DNAI7: variants seen among roughly 807,000 people sequenced by gnomAD.
DNAI7 encodes the protein dynein axonemal intermediate chain 7, also known as cancer susceptibility 1.
A neutral mutation model predicts 86.6 loss-of-function variants in DNAI7; 78 were observed. The observed-to-expected ratio is 0.90, with a 90% CI of 0.75 to 1.09. The LOEUF (loss-of-function observed/expected upper bound fraction) is 1.09. DNAI7 is among the 50% of genes least tolerant of loss of function. The pLI, the probability that DNAI7 is intolerant of heterozygous loss-of-function variation, is 0.00. For missense variants in DNAI7, 753 were observed against 810.2 expected, an observed-to-expected ratio of 0.93 and a Z score of 0.86; for synonymous variants, 274 against 273.0, an observed-to-expected ratio of 1.00 and a Z score of -0.04.
chr12:25,176,955 T>G (rs1949030653), intron 2 of DNAI7, among the ~76,000 whole-genome samples: 1 of 146,624 alleles, frequency 6.8e-6, no homozygotes, highest in Admixed American at 7.0e-5. Flanking sequence ...CAGGTTGGAG[T>G]GCAGTGGTGC....
rs1949718447 is a variant in DNAI7, at chr12:25,110,349, T to C, written c.1780-109A>G. On this transcript the variant is annotated intron_variant, in intron 14 of 15. Coordinates refer to ENST00000395987, the MANE Select transcript of DNAI7 (RefSeq NM_018272.5). ...CAACACAGACGGATCCACTTAAAATTGTAAGTCAGAGTACATGACTCCTCT... is the reference window on the plus strand; with the variant it reads ...CAACACAGACGGATCCACTTAAAATCGTAAGTCAGAGTACATGACTCCTCT... The C allele has an allele frequency of 4.5e-6, 3 of 664,560 alleles. No homozygotes were observed. In the East Asian group the frequency reaches 7.8e-5, roughly 17 times the overall value. 41.2% of individuals were successfully genotyped at this position (664,560 alleles called of 1,614,324 possible).
At position 25,119,222 on chromosome 12, in the gene DNAI7, G is replaced by T; in HGVS notation, c.1319C>A (p.Pro440His). The T allele has an allele frequency of 6.2e-7, 1 of 1,612,332 alleles. No individual in the cohort carries two copies. Among genetic ancestry groups the T allele is most frequent in the Non-Finnish European group, 8.5e-7 (1 of 1,178,688 alleles). ...ATGAACCTCAAGTGTGACCTCTATA[G>T]GTGGGAAAGCATTTTCTGTCTCAAA... is the stretch of plus-strand genomic sequence containing the variant. ...EEFETENAFP[P>H]IEVTLEVHEN... Residue 440 changes from proline to histidine, a missense_variant, in exon 12 of 16, where the codon CCT (proline) becomes CAT (histidine). By Grantham distance (77) the Pro-to-His change is moderately conservative. Transcript: ENST00000395987.
chr12:25,121,408 C>T (rs879573131), intron 11 of DNAI7, among the ~76,000 whole-genome samples: 1 of 152,070 alleles, frequency 6.6e-6, no homozygotes. Flanking sequence ...TAGTAGGGAC[C>T]GCGAAGGTGA....
chr12:25,184,156 A>C (rs1949816392), intron 2 of DNAI7, among the ~76,000 whole-genome samples: 1 of 152,226 alleles, frequency 6.6e-6, no homozygotes, highest in Non-Finnish European at 1.5e-5. Flanking sequence ...CACCCATATA[A>C]AGTGCACAAT....
intron 6 of DNAI7, 131 bp from the exon 7 acceptor site, chr12:25,149,905 T>G (rs1945297189): frequency 8.9e-6 from 5 of 559,592 alleles, no homozygotes; most frequent in Non-Finnish European, 9.1e-6. Context: ...TTTCCTGTAT[T>G]TATTCTGTAA....
intron 9 of DNAI7, among the ~76,000 whole-genome samples, chr12:25,142,434 C>G (rs1044402325): frequency 1.3e-5 from 2 of 151,988 alleles, no homozygotes; most frequent in African/African-American, 4.8e-5. Context: ...TCTTAGAAAT[C>G]ACCACTAAAG....
intron 4 of DNAI7, among the ~76,000 whole-genome samples, chr12:25,155,901 G>A (rs1946104238): frequency 6.6e-6 from 1 of 152,140 alleles, no homozygotes; most frequent in Admixed American, 6.5e-5. Flanking sequence ...CTTGAGGTCA[G>A]GAGTTCGAGA....
intron 13 of DNAI7, among the ~76,000 whole-genome samples, chr12:25,113,589 C>T (rs554178395): frequency 2.6e-5 from 4 of 152,154 alleles, no homozygotes; most frequent in South Asian, 4.2e-4. Context: ...CGTGAGCCAC[C>T]GCTCCCAGCC....
At chr12:25,136,037 C>T (rs1592329628) in intron 9 of DNAI7, among the ~76,000 whole-genome samples, 2 of 152,206 alleles carry the variant, frequency 1.3e-5, no homozygotes, top group African/African-American at 2.4e-5. Flanking sequence ...TCCTCCCACA[C>T]TACCGCAGCT....
At chr12:25,135,389 A>C (rs560563464) in intron 9 of DNAI7, among the ~76,000 whole-genome samples, 32 of 152,228 alleles carry the variant, frequency 2.1e-4, no homozygotes, top group Non-Finnish European at 3.8e-4. Flanking sequence ...CTGCCAGTGG[A>C]ATTGGGGAAG....
At chr12:25,189,140 T>C (rs1036754720) in intron 2 of DNAI7, among the ~76,000 whole-genome samples, 3 of 152,134 alleles carry the variant, frequency 2.0e-5, no homozygotes, top group Non-Finnish European at 1.5e-5. Context: ...CCCAAGTGTT[T>C]TTAAGGGTGG....
chr12:25,137,131 A>C (rs925825871), intron 9 of DNAI7, among the ~76,000 whole-genome samples: 5 of 152,228 alleles, frequency 3.3e-5, no homozygotes, highest in African/African-American at 1.2e-4. Flanking sequence ...TCTAAATTCA[A>C]GACAAAGGAA....
intron 2 of DNAI7, among the ~76,000 whole-genome samples, chr12:25,184,210 ACAAT>A (rs2141317787): frequency 6.6e-6 from 1 of 152,326 alleles, no homozygotes; most frequent in Non-Finnish European, 1.5e-5. Context: ...AACCATCACC[ACAAT>A]CAATTTTAGA....
At chr12:25,166,599 C>T (rs926454381) in intron 2 of DNAI7, among the ~76,000 whole-genome samples, 1 of 152,104 alleles carries the variant, frequency 6.6e-6, no homozygotes, top group Non-Finnish European at 1.5e-5. Context: ...CATAAAGACA[C>T]GTGCTCTCCC....
chr12:25,149,348 GA>G, intron 7 of DNAI7, among the ~76,000 whole-genome samples: 1 of 152,236 alleles, frequency 6.6e-6, no homozygotes, highest in South Asian at 2.1e-4. Context: ...GGAGGCCAAG[GA>G]AGAAAGACTG....
At chr12:25,136,143 C>T (rs1351730338) in intron 9 of DNAI7, among the ~76,000 whole-genome samples, 1 of 152,206 alleles carries the variant, frequency 6.6e-6, no homozygotes, top group African/African-American at 2.4e-5. Context: ...AACCAAGAAC[C>T]CTCACAGAGT....
In DNAI7 at chr12:25,177,782, A is replaced by T. The variant is rs374788984; in HGVS notation, c.21+12832T>A. The stretch of plus-strand genomic sequence containing the variant: ...CATTATTTCAAATTTACACTCCCAC[A>T]ATTATTATCCAAGTCAATATTTGCT... On this transcript the variant is annotated intron_variant, in intron 2 of 15. Coordinates refer to ENST00000395987, the MANE Select transcript of DNAI7 (RefSeq NM_018272.5). 4.6e-5 allele frequency among the ~76,000 whole-genome samples: 7 copies of T among 152,310 alleles called. No homozygotes were observed. The East Asian group carries it at 5.8e-4, about 13-fold the overall frequency.
At chr12:25,118,421 G>A (rs757207257) in intron 12 of DNAI7, among the ~76,000 whole-genome samples, 9 of 151,790 alleles carry the variant, frequency 5.9e-5, no homozygotes, top group Middle Eastern at 3.4e-3. Flanking sequence ...GTGCCACCAC[G>A]CCCCGCTCAT....
At chr12:25,192,262 CT>C (rs1269941915) in intron 1 of DNAI7, among the ~76,000 whole-genome samples, 1 of 152,178 alleles carries the variant, frequency 6.6e-6, no homozygotes, top group Non-Finnish European at 1.5e-5. Context: ...TGCTCCAGTT[CT>C]CAATTAGCCA....
Sources: allele counts gnomAD v4.1 joint callset (sites outside exome capture counted in the v4.1 genomes callset), GRCh38; gene constraint gnomAD v4.1.1; transcripts MANE v1.5; gene names NCBI Gene and HGNC (gene_info 2026-07-23, HGNC 2026-07-21).